ETNK2: variants seen among roughly 807,000 people sequenced by gnomAD.
The protein encoded by ETNK2 is ethanolamine kinase-like protein.
Under a neutral mutation model 46.2 loss-of-function variants are expected in ETNK2, and 33 were observed. That is an observed-to-expected ratio of 0.71 (90% CI 0.54 to 0.96). ETNK2 has a LOEUF of 0.96. Among genes scored for constraint, ETNK2 ranks in the 40% least tolerant of loss-of-function variants. The probability of loss-of-function intolerance (pLI) is 0.00; values close to 1 mark genes in which losing one functional copy is unlikely to be tolerated. For synonymous variants in ETNK2, 194 were observed against 209.0 expected, an observed-to-expected ratio of 0.93 and a Z score of 0.62; for missense variants, 445 against 509.7, an observed-to-expected ratio of 0.87 and a Z score of 1.22.
intron 3 of ETNK2, 131 bp from the exon 4 acceptor site, chr1:204,141,588 C>G: frequency 1.1e-6 from 1 of 921,130 alleles, no homozygotes; most frequent in South Asian, 1.7e-5. Flanking sequence ...AATGGCCAAT[C>G]TCTTAGACCC....
chr1:204,140,211 T>C (rs1388438019), intron 4 of ETNK2, 93 bp from the exon 5 acceptor site: 2 of 1,014,936 alleles, frequency 2.0e-6, no homozygotes, highest in African/African-American at 3.2e-5. Context: ...ATGCACCCAC[T>C]GAGTGATGCC....
chr1:204,138,130 A>G (rs763781850), intron 5 of ETNK2, among the ~76,000 whole-genome samples: 8 of 152,172 alleles, frequency 5.3e-5, no homozygotes, highest in Non-Finnish European at 1.2e-4. Flanking sequence ...CTCCTGGAAC[A>G]GATGTACAAA....
intron 7 of ETNK2, among the ~76,000 whole-genome samples, chr1:204,133,563 G>T: frequency 6.9e-6 from 1 of 145,740 alleles, no homozygotes; most frequent in African/African-American, 2.6e-5. Context: ...ACGGAGTCTC[G>T]CTCTGTCGCC....
Position 204,132,183 on chromosome 1 carries a change from G to T in ETNK2, c.*1C>A. 1 of 1,569,000 alleles carries T rather than the reference G, an allele frequency of 6.4e-7. No individual in the cohort carries two copies. Among genetic ancestry groups the T allele is most frequent in the Non-Finnish European group, 8.6e-7 (1 of 1,156,638 alleles). On this transcript the variant is annotated 3_prime_UTR_variant, in exon 8 of 8. Coordinates refer to ENST00000367202, the MANE Select transcript of ETNK2 (RefSeq NM_018208.4). Reference sequence around the variant, plus strand: ...GGGTAGGGGAGGGATGGGGTGGCTGGTCACTTTGGCATCTCCAAGGCTGAC... The same window carrying T: ...GGGTAGGGGAGGGATGGGGTGGCTGTTCACTTTGGCATCTCCAAGGCTGAC...
At chr1:204,138,252 T>C (rs900663357) in intron 5 of ETNK2, among the ~76,000 whole-genome samples, 1 of 152,172 alleles carries the variant, frequency 6.6e-6, no homozygotes, top group Non-Finnish European at 1.5e-5. Flanking sequence ...TCCTCACTCC[T>C]GCGCACCCAT....
At chr1:204,141,536 G>T in intron 3 of ETNK2, 79 bp from the exon 4 acceptor site, 1 of 1,462,572 alleles carries the variant, frequency 6.8e-7, no homozygotes, top group Non-Finnish European at 9.3e-7. Flanking sequence ...CTGAATCTGA[G>T]CCTCATCACT....
intron 6 of ETNK2, among the ~76,000 whole-genome samples, chr1:204,136,526 A>T (rs568314098): frequency 6.6e-6 from 1 of 151,550 alleles, no homozygotes; most frequent in Non-Finnish European, 1.5e-5. Context: ...CCTGGCCAAC[A>T]TTGTGAAACC....
intron 6 of ETNK2, chr1:204,134,840 A>G (rs191782688): frequency 2.3e-4 from 178 of 772,044 alleles, no homozygotes; most frequent in Non-Finnish European, 3.4e-4. Flanking sequence ...TACCAACCCT[A>G]AGGCAGGTAG....
chr1:204,149,082 G>A (rs1282016571), intron 2 of ETNK2, among the ~76,000 whole-genome samples: 2 of 152,154 alleles, frequency 1.3e-5, no homozygotes, highest in Non-Finnish European at 2.9e-5. Context: ...CCCAGGGCTT[G>A]AAGGAAAAGT....
intron 2 of ETNK2, chr1:204,147,593 C>T: frequency 1.9e-6 from 1 of 525,860 alleles, no homozygotes. Context: ...CTCCAACATT[C>T]AGCTTCCTTC....
chr1:204,141,220 G>T, intron 4 of ETNK2, 95 bp downstream of exon 4: 2 of 1,484,856 alleles, frequency 1.3e-6, no homozygotes, highest in Non-Finnish European at 1.9e-6. Context: ...TCTAACTTTT[G>T]CTTGTCCAAG....
At chr1:204,141,272 C>T in intron 4 of ETNK2, 43 bp downstream of exon 4, 1 of 1,613,786 alleles carries the variant, frequency 6.2e-7, no homozygotes, top group Non-Finnish European at 8.5e-7. Context: ...GCTAACCAAC[C>T]AACCAAAACC....
At chr1:204,137,647 A>AC (rs1657342801) in intron 5 of ETNK2, among the ~76,000 whole-genome samples, 2 of 152,214 alleles carry the variant, frequency 1.3e-5, no homozygotes, top group South Asian at 4.1e-4. Context: ...TCTTATGCTA[A>AC]CCTTGTTAGC....
chr1:204,145,922 T>A (rs181583645), intron 3 of ETNK2, among the ~76,000 whole-genome samples: 5 of 152,232 alleles, frequency 3.3e-5, no homozygotes, highest in African/African-American at 9.6e-5. Context: ...GAGTCAGGCG[T>A]CTAAAGGCTT....
intron 7 of ETNK2, 88 bp downstream of exon 7, chr1:204,134,427 A>G (rs1181106545): frequency 2.0e-5 from 29 of 1,458,838 alleles, no homozygotes; most frequent in Non-Finnish European, 2.6e-5. Flanking sequence ...GACTCTGGGC[A>G]TTCTGCCTGG....
chr1:204,146,496 A>G (rs766342514), intron 3 of ETNK2, 146 bp downstream of exon 3: 33 of 921,382 alleles, frequency 3.6e-5, no homozygotes, highest in Non-Finnish European at 4.5e-5. Flanking sequence ...CTTACCGACT[A>G]GGACTGAAGG....
At chr1:204,143,291 C>T (rs1001097975) in intron 3 of ETNK2, among the ~76,000 whole-genome samples, 1 of 151,810 alleles carries the variant, frequency 6.6e-6, no homozygotes, top group African/African-American at 2.4e-5. Context: ...TTGGTTTGCT[C>T]AGGTCCCGGC....
chr1:204,137,228 CAG>C lies in ETNK2; in HGVS notation c.888_889del (p.Tyr296Ter). The C allele has an allele frequency of 6.2e-7, 1 of 1,613,856 alleles. No individual in the cohort carries two copies. Among genetic ancestry groups the C allele is most frequent in the Non-Finnish European group, 8.5e-7 (1 of 1,179,820 alleles). On this transcript the variant is annotated stop_gained and frameshift_variant, in exon 6 of 8. Coordinates refer to ENST00000367202, the MANE Select transcript of ETNK2 (RefSeq NM_018208.4). LOFTEE classifies it high-confidence loss of function. ...CTGGGTCTCCCGCGCCGGGTACAGG[CAG>C]TAATCCACCTCATTCACGCCTGAGG...
Position 204,151,470 on chromosome 1 carries a change from C to A in ETNK2, c.258+125G>T. On this transcript the variant is annotated intron_variant, in intron 1 of 7. Coordinates refer to ENST00000367202, the MANE Select transcript of ETNK2 (RefSeq NM_018208.4). This position sits in a 1 kb window ranked among gnomAD's most constrained non-coding sequence, Gnocchi z 8.0. ...ATCCGTACACAAACCACGTTCCAAA[C>A]CTTTCTTGCGCAGCAGCCGCGCACC... 1 of 1,380,182 alleles carries A rather than the reference C, an allele frequency of 7.2e-7. No individual in the cohort carries two copies. Among genetic ancestry groups the A allele is most frequent in the Non-Finnish European group, 9.8e-7 (1 of 1,016,862 alleles). The allele number at this position is 1,380,182 out of a possible 1,614,324, so 85.5% of individuals were successfully genotyped here. A position where few individuals can be genotyped will look rare whatever the true frequency, so the allele number is the denominator to read the frequency against.
Sources: allele counts gnomAD v4.1 joint callset (sites outside exome capture counted in the v4.1 genomes callset), GRCh38; gene constraint gnomAD v4.1.1; non-coding constraint Gnocchi (gnomAD v3.1); transcripts MANE v1.5; gene names NCBI Gene and HGNC (gene_info 2026-07-23, HGNC 2026-07-21).